The following STK3 variants were observed in gnomAD, a reference collection of about 807,000 sequenced individuals.
The protein encoded by STK3 is serine/threonine-protein kinase 3.
A neutral mutation model predicts 58.0 loss-of-function variants in STK3; 41 were observed. That is an observed-to-expected ratio of 0.71 (90% CI 0.55 to 0.92). The LOEUF (loss-of-function observed/expected upper bound fraction) is 0.92, where lower values mean the gene tolerates loss of function less well. Ranked by LOEUF, STK3 falls within the 40% of genes least tolerant of loss-of-function variation. The pLI, the probability that STK3 is intolerant of heterozygous loss-of-function variation, is 0.00. For missense variants in STK3, 479 were observed against 602.7 expected (o/e 0.79, Z 2.15); for synonymous variants, 170 against 191.0 (o/e 0.89, Z 0.91).
intron 1 of STK3, among the ~76,000 whole-genome samples, chr8:98,792,608 G>A (rs1832876661): frequency 1.3e-5 from 2 of 152,216 alleles, no homozygotes; most frequent in African/African-American, 4.8e-5. Flanking sequence ...ACTGAGGCAG[G>A]AGAAATCACT....
intron 3 of STK3, among the ~76,000 whole-genome samples, chr8:98,416,980 A>T (rs1818122391): frequency 6.6e-6 from 1 of 152,174 alleles, no homozygotes; most frequent in Non-Finnish European, 1.5e-5. Flanking sequence ...AGATGGCAGA[A>T]TCCAGGGGAC....
chr8:98,858,764 T>C (rs1008523662), intron 3 of STK3, among the ~76,000 whole-genome samples: 8 of 151,784 alleles, frequency 5.3e-5, no homozygotes, highest in Non-Finnish European at 8.8e-5. Flanking sequence ...TGGTGGTGCA[T>C]GCCTGTAGTC....
chr8:98,746,955 T>C (rs1187696790), intron 4 of STK3, among the ~76,000 whole-genome samples: 1 of 151,930 alleles, frequency 6.6e-6, no homozygotes, highest in Non-Finnish European at 1.5e-5. Flanking sequence ...GGCTGGAGGA[T>C]CGCTTGAGCC....
At chr8:98,856,059 A>G (rs1836660075) in intron 3 of STK3, among the ~76,000 whole-genome samples, 2 of 147,136 alleles carry the variant, frequency 1.4e-5, no homozygotes, top group Non-Finnish European at 3.0e-5. Context: ...CAAGAGGCTG[A>G]GGGAGGAGAA....
At chr8:98,663,038 T>C (rs1356765198) in intron 6 of STK3, among the ~76,000 whole-genome samples, 3 of 152,138 alleles carry the variant, frequency 2.0e-5, no homozygotes, top group African/African-American at 7.2e-5. Flanking sequence ...TGGGATCTAA[T>C]TAAATTAAAG....
chr8:98,666,104 A>G (rs908593041), intron 6 of STK3, among the ~76,000 whole-genome samples: 2 of 152,188 alleles, frequency 1.3e-5, no homozygotes, highest in African/African-American at 4.8e-5. Flanking sequence ...TGGTTTATCC[A>G]GAAAGAAAAC....
intron 3 of STK3, among the ~76,000 whole-genome samples, chr8:98,851,424 T>C (rs770601803): frequency 5.4e-4 from 82 of 152,216 alleles, no homozygotes; most frequent in Non-Finnish European, 1.6e-4. Flanking sequence ...GGCCTTCAGA[T>C]ATGACCATTC....
chr8:98,591,118 C>T (rs934986783), intron 7 of STK3, among the ~76,000 whole-genome samples: 8 of 152,160 alleles, frequency 5.3e-5, no homozygotes, highest in African/African-American at 1.9e-4. Flanking sequence ...AGGAACCATA[C>T]TTGGAATTCT....
chr8:98,941,129 G>T (rs1043475076), intron 1 of STK3, among the ~76,000 whole-genome samples: 1 of 152,206 alleles, frequency 6.6e-6, no homozygotes. Context: ...TCCAGGGGGC[G>T]CTGCGGCCCT....
rs551201685 is a variant in STK3 at position 98,893,059 on chromosome 8, T to A, written c.-78-9225A>T. On this transcript the variant is annotated intron_variant, in intron 1 of 1. Transcript: ENST00000519420. ...AGAAGGAAGGTAAGAACAGGTTCTA[T>A]TGGGATTGCTTAGATAGGGGTCCTT... is the stretch of plus-strand genomic sequence containing the variant. 5.3e-5 allele frequency among the ~76,000 whole-genome samples: 8 copies of A among 152,158 alleles called. No individual in the cohort carries two copies. The East Asian group carries it at 1.5e-3, about 29-fold the overall frequency.
At chr8:98,691,972 T>C (rs1192356855) in intron 6 of STK3, among the ~76,000 whole-genome samples, 1 of 150,340 alleles carries the variant, frequency 6.7e-6, no homozygotes, top group Non-Finnish European at 1.5e-5. Flanking sequence ...GAATAGACAG[T>C]TCCCAAAAGA....
intron 6 of STK3, among the ~76,000 whole-genome samples, chr8:98,690,235 G>GA (rs950463405): frequency 6.6e-6 from 1 of 151,588 alleles, no homozygotes; most frequent in Non-Finnish European, 1.5e-5. Context: ...ATATAAATAG[G>GA]AAAAAAAGAA....
intron 3 of STK3, chr8:98,431,076 C>T (rs1818318501): frequency 6.0e-6 from 1 of 167,082 alleles, no homozygotes; most frequent in Admixed American, 6.5e-5. Flanking sequence ...GAGCATGGAG[C>T]TATCCAGGGT....
chr8:98,914,580 T>C (rs1839275136), intron 1 of STK3, among the ~76,000 whole-genome samples: 1 of 152,054 alleles, frequency 6.6e-6, no homozygotes, highest in South Asian at 2.1e-4. Context: ...TGCTCAACAC[T>C]GGGTTTCATG....
At chr8:98,618,188 T>C (rs1163338162) in intron 6 of STK3, among the ~76,000 whole-genome samples, 4 of 151,788 alleles carry the variant, frequency 2.6e-5, no homozygotes, top group Admixed American at 2.6e-4. Context: ...TAATCCAGCA[T>C]ATAAACAGAG....
At chr8:98,589,605 T>C (rs1490700258) in intron 7 of STK3, among the ~76,000 whole-genome samples, 2 of 152,278 alleles carry the variant, frequency 1.3e-5, no homozygotes, top group African/African-American at 4.8e-5. Context: ...GCAGGCCTTC[T>C]TGAGCTGTGG....
intron 6 of STK3, among the ~76,000 whole-genome samples, chr8:98,624,972 T>C (rs1478123273): frequency 6.6e-6 from 1 of 152,066 alleles, no homozygotes; most frequent in Non-Finnish European, 1.5e-5. Flanking sequence ...AAAAATAAGT[T>C]AAATGGCCTG....
intron 1 of STK3, among the ~76,000 whole-genome samples, chr8:98,936,606 C>G (rs889678942): frequency 5.3e-5 from 8 of 152,164 alleles, no homozygotes; most frequent in Non-Finnish European, 1.2e-4. Flanking sequence ...AGAATGTGGT[C>G]AATGATGAGA....
intron 4 of STK3, among the ~76,000 whole-genome samples, chr8:98,743,337 C>G (rs568437608): frequency 0.018 from 2,689 of 150,888 alleles, 72 homozygotes; most frequent in African/African-American, 0.062. Flanking sequence ...TCAAACTATA[C>G]TACAAGGCTA....
Sources: allele counts gnomAD v4.1 joint callset (sites outside exome capture counted in the v4.1 genomes callset), GRCh38; gene constraint gnomAD v4.1.1; transcripts MANE v1.5; gene names NCBI Gene and HGNC (gene_info 2026-07-23, HGNC 2026-07-21).